The following FER variants were observed in gnomAD, a reference collection of about 807,000 sequenced individuals.
The protein encoded by FER is FER tyrosine kinase.
A neutral mutation model predicts 111.0 loss-of-function variants in FER; 63 were observed. The ratio of observed to expected loss-of-function variants is 0.57; its 90% CI spans 0.46 to 0.70. FER has a LOEUF of 0.70. FER is among the 30% of genes least tolerant of loss of function. FER has a pLI of 0.00. For synonymous variants in FER, 327 were observed against 313.9 expected, an observed-to-expected ratio of 1.04 and a Z score of -0.44; for missense variants, 914 against 954.0, an observed-to-expected ratio of 0.96 and a Z score of 0.55.
At position 109,196,155 on chromosome 5, in the gene FER, A is replaced by AT. The variant is rs1452473608; in HGVS notation, c.*8581dup. 2.0e-5 allele frequency: 3 copies of AT among 152,214 alleles called. No homozygotes were observed. The highest frequency in any genetic ancestry group is 4.8e-5 in the African/African-American group (2 of 41,448). The allele number at this position is 152,214 out of a possible 1,614,324, so 9.4% of individuals were successfully genotyped here. ...AAGACAAAATGTACAAATGGTGCCC[A>AT]TGCCATTCATTTGACTGTGGGTGGC... is the stretch of plus-strand genomic sequence containing the variant. On this transcript the variant is annotated 3_prime_UTR_variant, in exon 20 of 20. Transcript: ENST00000281092.
At chr5:109,058,724 C>CTTTTTTTTTTTTTTTTTTTTTT (rs746184286) in intron 16 of FER, among the ~76,000 whole-genome samples, 3 of 76,278 alleles carry the variant, frequency 3.9e-5, no homozygotes, top group East Asian at 3.6e-4. Flanking sequence ...TTCTTTCTTT[C>CTTTTTTTTTTTTTTTTTTTTTT]TTTTTTTTTT....
At chr5:108,822,247 C>G (rs545003388) in intron 3 of FER, among the ~76,000 whole-genome samples, 2 of 152,174 alleles carry the variant, frequency 1.3e-5, no homozygotes, top group South Asian at 4.1e-4. Flanking sequence ...ATTTTATTTA[C>G]TATAATTTCT....
chr5:109,164,337 T>C (rs1426305345), intron 17 of FER, among the ~76,000 whole-genome samples: 1 of 152,210 alleles, frequency 6.6e-6, no homozygotes, highest in Non-Finnish European at 1.5e-5. Flanking sequence ...TTAGTGATAG[T>C]ATTAAGATAG....
intron 3 of FER, among the ~76,000 whole-genome samples, chr5:108,828,427 G>A (rs1439524709): frequency 6.6e-6 from 1 of 151,886 alleles, no homozygotes; most frequent in African/African-American, 2.4e-5. Flanking sequence ...ACTTCTTTCC[G>A]TCAGTCTCTC....
At chr5:109,004,557 G>A (rs559574406) in intron 13 of FER, among the ~76,000 whole-genome samples, 2 of 152,258 alleles carry the variant, frequency 1.3e-5, no homozygotes, top group Admixed American at 6.5e-5. Context: ...TTGGATTAAT[G>A]TCATGGTAAT....
intron 1 of FER, among the ~76,000 whole-genome samples, chr5:108,765,272 G>A (rs1752194087): frequency 6.6e-6 from 1 of 152,022 alleles, no homozygotes; most frequent in African/African-American, 2.4e-5. Flanking sequence ...ATTTAGAGAT[G>A]CCACCAAAAA....
chr5:109,047,221 G>A, intron 16 of FER, 23 bp downstream of exon 16: 1 of 1,346,836 alleles, frequency 7.4e-7, no homozygotes, highest in Non-Finnish European at 1.1e-6. Context: ...GAGAATTTTT[G>A]CATGATGACA....
chr5:108,905,631 GAT>G (rs1277554975), intron 10 of FER, among the ~76,000 whole-genome samples: 1 of 152,100 alleles, frequency 6.6e-6, no homozygotes, highest in Non-Finnish European at 1.5e-5. Context: ...GCTGTTACAG[GAT>G]TTGGTCGGAG....
chr5:109,106,239 G>C (rs933757688), intron 17 of FER, among the ~76,000 whole-genome samples: 1 of 152,206 alleles, frequency 6.6e-6, no homozygotes, highest in African/African-American at 2.4e-5. Context: ...GGTTCTGAAG[G>C]CTGTGAAACA....
intron 13 of FER, among the ~76,000 whole-genome samples, chr5:109,028,661 G>A (rs1006524581): frequency 6.6e-6 from 1 of 152,118 alleles, no homozygotes; most frequent in Non-Finnish European, 1.5e-5. Context: ...CACTAGAAAG[G>A]CTCACATAAG....
At chr5:109,024,833 C>A (rs1006611371) in intron 13 of FER, among the ~76,000 whole-genome samples, 1 of 151,968 alleles carries the variant, frequency 6.6e-6, no homozygotes, top group African/African-American at 2.4e-5. Flanking sequence ...CAGCTTTCTA[C>A]ATATGGCTAG....
intron 17 of FER, among the ~76,000 whole-genome samples, chr5:109,134,267 A>G (rs1752660812): frequency 6.6e-6 from 1 of 152,136 alleles, no homozygotes; most frequent in Admixed American, 6.6e-5. Flanking sequence ...GCTGTGCTTT[A>G]AAAACTAAAC....
chr5:108,904,387 T>G (rs1750455553), intron 10 of FER, among the ~76,000 whole-genome samples: 1 of 152,110 alleles, frequency 6.6e-6, no homozygotes, highest in African/African-American at 2.4e-5. Flanking sequence ...CTGGAAGAAC[T>G]GAGAGAGCAA....
intron 2 of FER, among the ~76,000 whole-genome samples, chr5:108,775,055 A>G (rs1753343147): frequency 6.6e-6 from 1 of 151,936 alleles, no homozygotes; most frequent in Admixed American, 6.6e-5. Context: ...AATCCATCTG[A>G]GTTAATTTTT....
At chr5:108,772,627 T>C (rs944268162) in intron 2 of FER, among the ~76,000 whole-genome samples, 20 of 152,322 alleles carry the variant, frequency 1.3e-4, no homozygotes, top group Non-Finnish European at 2.2e-4. Context: ...AGCTTTTTTT[T>C]CCTCAAAACA....
intron 3 of FER, among the ~76,000 whole-genome samples, chr5:108,822,713 AT>A (rs1472601193): frequency 1.1e-5 from 1 of 90,730 alleles, no homozygotes; most frequent in Non-Finnish European, 2.3e-5. Flanking sequence ...TATTTTATTT[AT>A]TTTATTTTAT....
At chr5:109,046,236 G>T (rs1424256812) in intron 15 of FER, among the ~76,000 whole-genome samples, 1 of 152,082 alleles carries the variant, frequency 6.6e-6, no homozygotes. Flanking sequence ...CCCTGATCAA[G>T]AAAGTATTTA....
intron 13 of FER, among the ~76,000 whole-genome samples, chr5:109,032,612 G>A (rs918735576): frequency 3.9e-5 from 6 of 152,116 alleles, no homozygotes; most frequent in African/African-American, 7.2e-5. Flanking sequence ...CAGAAGGGCA[G>A]TTAATCCATC....
intron 5 of FER, among the ~76,000 whole-genome samples, chr5:108,840,986 T>C (rs1761205730): frequency 1.3e-5 from 2 of 152,120 alleles, no homozygotes; most frequent in South Asian, 4.1e-4. Context: ...TAACAGCCCA[T>C]CATTTGTAAA....
Sources: gnomAD v4.1 joint callset for allele counts (sites outside exome capture counted in the v4.1 genomes callset) on GRCh38, gnomAD v4.1.1 for gene constraint, MANE v1.5 for transcripts, NCBI Gene and HGNC (gene_info 2026-07-23, HGNC 2026-07-21) for gene names.